Variants in MORN1 observed in about 807,000 individuals in gnomAD.
MORN1 encodes the protein MORN repeat containing 1.
A neutral mutation model predicts 61.9 loss-of-function variants in MORN1; 67 were observed. That is an observed-to-expected ratio of 1.08 (90% CI 0.89 to 1.33). MORN1 has a LOEUF of 1.33. Ranked by LOEUF, MORN1 falls within the 40% of genes most tolerant of loss-of-function variation. The pLI, the probability that MORN1 is intolerant of heterozygous loss-of-function variation, is 0.00. For synonymous variants in MORN1, 301 were observed against 292.0 expected (o/e 1.03, Z -0.31); for missense variants, 752 against 691.2 (o/e 1.09, Z -0.99).
At chr1:2,342,626 G>A (rs372409955) in intron 10 of MORN1, among the ~76,000 whole-genome samples, 8 of 151,802 alleles carry the variant, frequency 5.3e-5, no homozygotes, top group African/African-American at 1.7e-4. Context: ...CCCCAGCCCC[G>A]GGCTTCGTCC....
chr1:2,341,680 A>G lies in MORN1; in HGVS notation c.1037-4830T>C, dbSNP rs376967676. On this transcript the variant is annotated intron_variant, in intron 10 of 13. Coordinates refer to ENST00000378531, the MANE Select transcript of MORN1 (RefSeq NM_024848.3). ...CACTCCAGCCTGGCCACAGAGCGAG[A>G]CTCCGTCTCAAGAAAAAAAAAAAAA... 2.1e-3 allele frequency among the ~76,000 whole-genome samples: 309 copies of G among 143,846 alleles called. 2 individuals carry two copies. The highest frequency in any genetic ancestry group is 7.8e-3 in the African/African-American group (303 of 38,876). 94.4% of individuals were successfully genotyped at this position (143,846 alleles called of 152,430 possible).
chr1:2,383,869 T>C (rs1003119938), intron 6 of MORN1, among the ~76,000 whole-genome samples: 24 of 152,170 alleles, frequency 1.6e-4, no homozygotes, highest in African/African-American at 5.8e-4. Context: ...ACCCCCACAC[T>C]GTGGACCAGC....
chr1:2,331,631 G>A (rs763855276), intron 12 of MORN1, among the ~76,000 whole-genome samples: 4 of 152,156 alleles, frequency 2.6e-5, no homozygotes, highest in Admixed American at 6.5e-5. Flanking sequence ...CATGAAACCC[G>A]GGCTTCCCTT....
intron 6 of MORN1, among the ~76,000 whole-genome samples, chr1:2,383,373 C>T (rs568604344): frequency 6.6e-6 from 1 of 152,250 alleles, no homozygotes; most frequent in East Asian, 1.9e-4. Flanking sequence ...GCCCCTGGCA[C>T]CCTAGAAAAC....
At chr1:2,385,092 T>G in intron 5 of MORN1, 27 bp from the exon 6 acceptor site, 1 of 1,565,568 alleles carries the variant, frequency 6.4e-7, no homozygotes, top group South Asian at 1.2e-5. Context: ...CGGAGTCCAC[T>G]CTCAACAGGG....
At chr1:2,388,161 G>A (rs934344210) in intron 3 of MORN1, 78 bp downstream of exon 3, 72 of 1,123,174 alleles carry the variant, frequency 6.4e-5, no homozygotes, top group Non-Finnish European at 9.4e-5. Context: ...CACGCCTTCT[G>A]CATCTAGACT....
Position 2,388,232 on chromosome 1 carries a change from A to G in MORN1, c.247+7T>C. On this transcript the variant is annotated splice_region_variant and intron_variant, in intron 3 of 13. Coordinates refer to ENST00000378531, the MANE Select transcript of MORN1 (RefSeq NM_024848.3). Reference sequence around the variant, plus strand: ...GGAGTGAATGTGCCATCCCAGCTAGAGCTCACCTGACCAGGCCCAGTGCCG... The same window carrying G: ...GGAGTGAATGTGCCATCCCAGCTAGGGCTCACCTGACCAGGCCCAGTGCCG... The G allele has an allele frequency of 6.2e-7, 1 of 1,611,812 alleles. No homozygotes were observed. The highest frequency in any genetic ancestry group is 2.2e-5 in the East Asian group (1 of 44,858).
At chr1:2,387,280 G>A in intron 4 of MORN1, 139 bp downstream of exon 4, 1 of 706,402 alleles carries the variant, frequency 1.4e-6, no homozygotes, top group Non-Finnish European at 2.5e-6. Flanking sequence ...CGGAGAAGAG[G>A]GCATGGGCCC....
intron 6 of MORN1, among the ~76,000 whole-genome samples, chr1:2,381,021 G>A (rs58350471): frequency 0.014 from 2,155 of 152,334 alleles, 49 homozygotes; most frequent in African/African-American, 0.049. Context: ...GAAGGTGGAG[G>A]AGAGGCACTG....
At chr1:2,325,125 T>TCCCTTCCCTCCCTC (rs1488574511) in intron 12 of MORN1, among the ~76,000 whole-genome samples, 2 of 30,792 alleles carry the variant, frequency 6.5e-5, no homozygotes, top group African/African-American at 2.2e-4. Flanking sequence ...TTCCTTCCCT[T>TCCCTTCCCTCCCTC]CCTTCCTTCC....
At chr1:2,364,881 C>T (rs1166620981) in intron 8 of MORN1, among the ~76,000 whole-genome samples, 19 of 152,094 alleles carry the variant, frequency 1.2e-4, no homozygotes, top group Non-Finnish European at 1.8e-4. Flanking sequence ...AGATACGCAG[C>T]GTTATTTCTG....
chr1:2,327,873 G>T (rs532191251), intron 12 of MORN1, among the ~76,000 whole-genome samples: 1 of 152,284 alleles, frequency 6.6e-6, no homozygotes, highest in Admixed American at 6.5e-5. Context: ...CCCGCATCGC[G>T]CCTCGGCGTC....
chr1:2,372,490 T>C lies in MORN1; in HGVS notation c.736A>G (p.Ile246Val). Residue 246 changes from isoleucine (I) to valine (V), a missense_variant, in exon 8 of 14, where the codon ATT (isoleucine) becomes GTT (valine). Physicochemically the swap from Ile to Val is conservative, Grantham distance 29 (BLOSUM62 3). Transcript: ENST00000378531. The surrounding 1 kb of genome is among the most constrained non-coding windows in gnomAD (Gnocchi z 5.4). Reference protein sequence around the residue: ...NVQLLQDHGEIAKSESGRVLQ... With the variant: ...NVQLLQDHGEVAKSESGRVLQ... ...CCCTGGAGATGCTTACTCTTGGCAATTTCCCCGTGGTCCTGCAGCAGCTGA... is the reference window on the plus strand; with the variant it reads ...CCCTGGAGATGCTTACTCTTGGCAACTTCCCCGTGGTCCTGCAGCAGCTGA... 6.2e-7 allele frequency: 1 copy of C among 1,612,904 alleles called. No individual in the cohort carries two copies. The highest frequency in any genetic ancestry group is 8.5e-7 in the Non-Finnish European group (1 of 1,179,526).
chr1:2,322,960 C>T lies in MORN1; in HGVS notation c.1297+1137G>A, dbSNP rs539028162. The T allele has an allele frequency of 6.2e-4, 615 of 985,440 alleles. 2 individuals carry two copies. The highest frequency in any genetic ancestry group is 4.2e-3 in the Middle Eastern group (8 of 1,914). The allele number at this position is 985,440 out of a possible 1,614,324, so 61.0% of individuals were successfully genotyped here. A position where few individuals can be genotyped will look rare whatever the true frequency, so the allele number is the denominator to read the frequency against. On this transcript the variant is annotated intron_variant, in intron 13 of 13. Transcript: ENST00000378531. The stretch of plus-strand genomic sequence containing the variant: ...CTGGGCCAGCTCTCACTTAGGGCCT[C>T]GGCCATACGTACATGGCTTAGCCCC...
intron 10 of MORN1, among the ~76,000 whole-genome samples, chr1:2,347,254 A>G (rs1234667759): frequency 1.3e-5 from 2 of 152,168 alleles, no homozygotes; most frequent in Non-Finnish European, 2.9e-5. Context: ...GTCTGTTCAG[A>G]GGCTGCGACT....
intron 12 of MORN1, among the ~76,000 whole-genome samples, chr1:2,327,143 G>C (rs1005404054): frequency 7.6e-4 from 51 of 66,710 alleles, no homozygotes; most frequent in African/African-American, 2.6e-4. Context: ...GAAACACAGA[G>C]ACACAGAAAC....
intron 2 of MORN1, chr1:2,388,588 A>ATACG: frequency 5.7e-5 from 26 of 454,372 alleles, no homozygotes; most frequent in East Asian, 1.3e-4. Flanking sequence ...AGCCAGCCTG[A>ATACG]GCAACACGGA....
At chr1:2,376,594 TTGGGGTGAGTGGCTCC>T (rs1198708361) in intron 6 of MORN1, 1 of 152,134 alleles carries the variant, frequency 6.6e-6, no homozygotes, top group East Asian at 1.9e-4. Context: ...GAGCCCGCCT[TTGGGGTGAGTGGCTCC>T]TCCCATGGTT....
chr1:2,332,581 A>G (rs1641181067), intron 12 of MORN1: 1 of 456,124 alleles, frequency 2.2e-6, no homozygotes, highest in South Asian at 1.5e-5. Context: ...GGCACGGCAG[A>G]CCTCCGGCAC....
Sources: allele counts gnomAD v4.1 joint callset (sites outside exome capture counted in the v4.1 genomes callset), GRCh38; gene constraint gnomAD v4.1.1; non-coding constraint Gnocchi (gnomAD v3.1); transcripts MANE v1.5; gene names NCBI Gene and HGNC (gene_info 2026-07-23, HGNC 2026-07-21).